DENND1B: variants seen among roughly 807,000 people sequenced by gnomAD.
DENND1B encodes DENN domain-containing protein 1B.
Under a neutral mutation model 90.1 loss-of-function variants are expected in DENND1B, and 59 were observed. The observed-to-expected ratio is 0.65, with a 90% CI of 0.53 to 0.81. The LOEUF is 0.81. DENND1B is among the 40% of genes least tolerant of loss of function. The pLI is 0.00. For synonymous variants in DENND1B, 337 were observed against 324.6 expected, an observed-to-expected ratio of 1.04 and a Z score of -0.41; for missense variants, 862 against 912.6, an observed-to-expected ratio of 0.94 and a Z score of 0.71.
At chr1:197,550,221 T>C (rs1156892025) in intron 16 of DENND1B, among the ~76,000 whole-genome samples, 1 of 152,156 alleles carries the variant, frequency 6.6e-6, no homozygotes, top group African/African-American at 2.4e-5. Flanking sequence ...AGAATTTTGC[T>C]TTGATTCAAT....
chr1:197,734,814 T>G (rs1662487722), intron 2 of DENND1B: 1 of 983,884 alleles, frequency 1.0e-6, no homozygotes, highest in South Asian at 4.7e-5. Context: ...TTTTTTAACC[T>G]ACAACAAACT....
chr1:197,635,024 G>T (rs891823689), intron 10 of DENND1B, among the ~76,000 whole-genome samples: 5 of 151,238 alleles, frequency 3.3e-5, no homozygotes, highest in African/African-American at 1.2e-4. Context: ...AGGAAGGAAG[G>T]AAGGAAGGAA....
chr1:197,735,102 TAAG>T, intron 2 of DENND1B: 1 of 969,832 alleles, frequency 1.0e-6, no homozygotes, highest in Non-Finnish European at 1.2e-6. Context: ...TATGCAATTT[TAAG>T]AAAATAGATT....
In DENND1B at chr1:197,750,724, T is replaced by C. The variant is rs552545786; in HGVS notation, c.82+22144A>G. 7.2e-5 allele frequency among the ~76,000 whole-genome samples: 11 copies of C among 152,202 alleles called. No individual in the cohort carries two copies. In the South Asian group the frequency reaches 2.1e-3, roughly 29 times the overall value. On this transcript the variant is annotated intron_variant, in intron 2 of 22. Transcript: ENST00000620048. ...CAGAGCAGTTCTATTCATATAAAAG[T>C]AAAGACAAAAAGCATCACAAGCAAA...
intron 13 of DENND1B, among the ~76,000 whole-genome samples, chr1:197,599,987 T>C (rs1477446829): frequency 1.3e-5 from 2 of 151,862 alleles, no homozygotes; most frequent in Non-Finnish European, 2.9e-5. Context: ...TCACTACAGC[T>C]ATATAGGTCT....
chr1:197,767,462 A>G (rs1390545055), intron 2 of DENND1B, among the ~76,000 whole-genome samples: 2 of 152,214 alleles, frequency 1.3e-5, no homozygotes, highest in African/African-American at 4.8e-5. Flanking sequence ...AAAGGCAGTT[A>G]AACTGTTAAC....
chr1:197,539,786 C>G (rs555932493), intron 20 of DENND1B, among the ~76,000 whole-genome samples, 178 bp downstream of exon 20: 1 of 152,252 alleles, frequency 6.6e-6, no homozygotes, highest in South Asian at 2.1e-4. Context: ...ATATCTGAAA[C>G]ATTTGACTCT....
intron 15 of DENND1B, among the ~76,000 whole-genome samples, chr1:197,562,497 T>G (rs186952259): frequency 8.6e-5 from 13 of 152,046 alleles, no homozygotes; most frequent in African/African-American, 3.1e-4. Context: ...ATAGTTGTTA[T>G]GGTGATCTGT....
In DENND1B at chr1:197,506,560, T is replaced by A. The variant is rs1667739720; in HGVS notation, c.*3900A>T. ...AAAATAATCAGTCTTTTCCTGAAAA[T>A]CCACATTTTCTACAAGAGAATGAAG... On this transcript the variant is annotated 3_prime_UTR_variant, in exon 23 of 23. Transcript: ENST00000620048. The A allele has an allele frequency of 6.6e-6, 1 of 151,466 alleles. No homozygotes were observed. The highest frequency in any genetic ancestry group is 1.5e-5 in the Non-Finnish European group (1 of 67,588). 9.4% of individuals were successfully genotyped at this position (151,466 alleles called of 1,614,324 possible).
intron 10 of DENND1B, among the ~76,000 whole-genome samples, chr1:197,630,844 C>T (rs539188912): frequency 7.2e-5 from 11 of 152,182 alleles, no homozygotes; most frequent in Admixed American, 2.0e-4. Flanking sequence ...GGTGAGGATA[C>T]AGTAATGAAC....
In DENND1B at chr1:197,505,715, A is replaced by ATTATC. The variant is rs1558178510; in HGVS notation, c.*4744_*4745insGATAA. On this transcript the variant is annotated 3_prime_UTR_variant, in exon 23 of 23. Transcript: ENST00000620048. ...AAACAAACTGTACATCATACAAAAA[A>ATTATC]TTAATTTACACAGTCAAAAAGTATT... The ATTATC allele has an allele frequency of 6.6e-6, 1 of 151,334 alleles. No homozygotes were observed. The highest frequency in any genetic ancestry group is 2.4e-5 in the African/African-American group (1 of 41,244). 9.4% of individuals were successfully genotyped at this position (151,334 alleles called of 1,614,324 possible).
intron 20 of DENND1B, among the ~76,000 whole-genome samples, chr1:197,525,603 G>T (rs954284650): frequency 2.0e-5 from 3 of 151,974 alleles, no homozygotes; most frequent in Non-Finnish European, 4.4e-5. Context: ...CTGAAGAAAA[G>T]AACCATATTA....
At chr1:197,613,180 C>T (rs1677330486) in intron 11 of DENND1B, among the ~76,000 whole-genome samples, 1 of 150,676 alleles carries the variant, frequency 6.6e-6, no homozygotes, top group South Asian at 2.1e-4. Context: ...CACTTTGCTA[C>T]TGAGAACCAG....
intron 13 of DENND1B, chr1:197,606,068 T>C (rs550579764): frequency 7.9e-5 from 12 of 151,304 alleles, no homozygotes; most frequent in African/African-American, 2.2e-4. Flanking sequence ...TGCTTTGTTT[T>C]TTTAAAAAGG....
chr1:197,561,450 G>A (rs185271909), intron 15 of DENND1B, among the ~76,000 whole-genome samples: 8 of 151,756 alleles, frequency 5.3e-5, no homozygotes, highest in Admixed American at 6.6e-5. Flanking sequence ...CATAACCTCC[G>A]TTGCTAGTGC....
intron 2 of DENND1B, among the ~76,000 whole-genome samples, chr1:197,730,292 A>G (rs573990577): frequency 2.0e-5 from 3 of 152,250 alleles, no homozygotes; most frequent in Non-Finnish European, 4.4e-5. Flanking sequence ...AAAAATGAGT[A>G]GAGTGAGCCT....
At chr1:197,743,286 A>G (rs973050512) in intron 2 of DENND1B, among the ~76,000 whole-genome samples, 3 of 152,232 alleles carry the variant, frequency 2.0e-5, no homozygotes, top group Non-Finnish European at 4.4e-5. Context: ...TAAAATGAGT[A>G]TCACAATAAA....
chr1:197,714,434 G>T (rs971551281), intron 3 of DENND1B, among the ~76,000 whole-genome samples: 2 of 151,650 alleles, frequency 1.3e-5, no homozygotes, highest in African/African-American at 4.9e-5. Flanking sequence ...GCATCATTTT[G>T]GTCATACTAA....
intron 20 of DENND1B, among the ~76,000 whole-genome samples, chr1:197,537,797 A>G (rs573415952): frequency 6.6e-6 from 1 of 151,602 alleles, no homozygotes; most frequent in East Asian, 1.9e-4. Context: ...AGACTTTAAA[A>G]TTTTTTTTTA....
Sources: gnomAD v4.1 joint callset for allele counts (sites outside exome capture counted in the v4.1 genomes callset) on GRCh38, gnomAD v4.1.1 for gene constraint, MANE v1.5 for transcripts, NCBI Gene and HGNC (gene_info 2026-07-23, HGNC 2026-07-21) for gene names.